RARB: variants seen among roughly 807,000 people sequenced by gnomAD.
RARB encodes retinoic acid receptor beta, also known as HBV-activated protein.
A neutral mutation model predicts 51.9 loss-of-function variants in RARB; 17 were observed. That is an observed-to-expected ratio of 0.33 (90% CI 0.22 to 0.49). The LOEUF is 0.49. Among genes scored for constraint, RARB ranks in the 20% least tolerant of loss-of-function variants. RARB has a pLI of 0.99. For synonymous variants in RARB, 215 were observed against 195.4 expected (o/e 1.10, Z -0.84); for missense variants, 369 against 550.8 (o/e 0.67, Z 3.30).
chr3:25,593,284 T>C (rs1289732405), intron 5 of RARB, among the ~76,000 whole-genome samples: 1 of 152,176 alleles, frequency 6.6e-6, no homozygotes, highest in Non-Finnish European at 1.5e-5. Flanking sequence ...TCAAAATTTC[T>C]TATGTCCTGT....
chr3:25,131,601 T>C (rs971162606), intron 3 of RARB, among the ~76,000 whole-genome samples: 3 of 152,006 alleles, frequency 2.0e-5, no homozygotes, highest in Admixed American at 1.3e-4. Context: ...GAAAAACATA[T>C]ATACATATAT....
intron 5 of RARB, among the ~76,000 whole-genome samples, chr3:25,323,750 A>G (rs1474693372): frequency 6.6e-6 from 1 of 152,220 alleles, no homozygotes; most frequent in African/African-American, 2.4e-5. Flanking sequence ...AGCTGGAGAA[A>G]AAACATAAAC....
intron 5 of RARB, among the ~76,000 whole-genome samples, chr3:25,243,316 A>G (rs983490973): frequency 6.6e-6 from 1 of 152,126 alleles, no homozygotes; most frequent in Non-Finnish European, 1.5e-5. Flanking sequence ...CTCTTGCCTG[A>G]TTGCCCTGAC....
intron 4 of RARB, among the ~76,000 whole-genome samples, chr3:25,161,169 T>A (rs6550954): frequency 0.024 from 3,420 of 142,698 alleles, 119 homozygotes; most frequent in African/African-American, 0.084. Flanking sequence ...CCCACCACCA[T>A]GCCCAGCTAA....
At chr3:25,502,024 T>C (rs1266170541) in intron 3 of RARB, among the ~76,000 whole-genome samples, 1 of 152,142 alleles carries the variant, frequency 6.6e-6, no homozygotes, top group Non-Finnish European at 1.5e-5. Context: ...ATGTAGGGAA[T>C]AAGAAAGTAT....
At position 25,562,103 on chromosome 3, in the gene RARB, A is replaced by G. The variant is rs562508821; in HGVS notation, c.449-7655A>G. ...CCTTAGACTGTCAGCCTTTTTTCAAAAAAGTTAAAAGACCCACTCACAGTG... is the reference window on the plus strand; with the variant it reads ...CCTTAGACTGTCAGCCTTTTTTCAAGAAAGTTAAAAGACCCACTCACAGTG... On this transcript the variant is annotated intron_variant, in intron 3 of 7. Transcript: ENST00000330688. Among the ~76,000 whole-genome samples the G allele has an allele frequency of 2.0e-5, 3 of 152,296 alleles. No individual in the cohort carries two copies. The East Asian group carries it at 5.8e-4, about 29-fold the overall frequency.
At chr3:25,123,796 G>C (rs1288434256) in intron 3 of RARB, among the ~76,000 whole-genome samples, 1 of 152,162 alleles carries the variant, frequency 6.6e-6, no homozygotes, top group African/African-American at 2.4e-5. Context: ...ACGTTATCTA[G>C]AATTGCTTTT....
Position 24,937,738 on chromosome 3 carries a change from C to T in RARB, c.-380+78986C>T, listed in dbSNP as rs181172956. On this transcript the variant is annotated intron_variant, in intron 2 of 11. Transcript: ENST00000383772. ...GCATCCTTATGCAGCAGAGGACACA[C>T]GCTGGCAGGTGGGTGGAGCGAGTTG... is the stretch of plus-strand genomic sequence containing the variant. Among the ~76,000 whole-genome samples, 20 of 152,234 alleles carry T rather than the reference C, an allele frequency of 1.3e-4. No individual in the cohort carries two copies. In the South Asian group the frequency reaches 1.9e-3, roughly 14 times the overall value.
intron 1 of RARB, among the ~76,000 whole-genome samples, chr3:24,833,480 T>A (rs1427508142): frequency 2.6e-5 from 4 of 152,218 alleles, no homozygotes; most frequent in Non-Finnish European, 4.4e-5. Context: ...CATACAACAA[T>A]TCAATTTATG....
At chr3:25,439,248 C>A (rs569589174) in intron 1 of RARB, among the ~76,000 whole-genome samples, 1 of 152,150 alleles carries the variant, frequency 6.6e-6, no homozygotes, top group Non-Finnish European at 1.5e-5. Flanking sequence ...ATAGTAAAGT[C>A]GAATTAATGT....
intron 4 of RARB, among the ~76,000 whole-genome samples, chr3:25,153,673 G>C (rs17517778): frequency 0.08 from 12,164 of 152,214 alleles, 644 homozygotes; most frequent in Non-Finnish European, 0.12. Context: ...CAACAGTCAG[G>C]CCTAATATAC....
intron 3 of RARB, among the ~76,000 whole-genome samples, chr3:25,534,034 C>T (rs1216973904): frequency 2.6e-5 from 4 of 152,190 alleles, no homozygotes; most frequent in Non-Finnish European, 4.4e-5. Context: ...AATGCTTTTA[C>T]TATGTGCCAG....
chr3:25,365,648 G>C (rs1445704730), intron 5 of RARB, among the ~76,000 whole-genome samples: 1 of 152,172 alleles, frequency 6.6e-6, no homozygotes, highest in Admixed American at 6.5e-5. Context: ...TTGAAGGCCA[G>C]ATATTGAAAT....
At chr3:25,555,907 T>C (rs556912501) in intron 3 of RARB, among the ~76,000 whole-genome samples, 1 of 152,208 alleles carries the variant, frequency 6.6e-6, no homozygotes, top group East Asian at 1.9e-4. Context: ...ATTCTGGGCA[T>C]GGGTGTGGGT....
At chr3:25,545,063 G>A (rs1312400328) in intron 3 of RARB, among the ~76,000 whole-genome samples, 1 of 152,146 alleles carries the variant, frequency 6.6e-6, no homozygotes, top group Non-Finnish European at 1.5e-5. Flanking sequence ...CCAGGTTCAG[G>A]TGATCCGCCT....
intron 2 of RARB, among the ~76,000 whole-genome samples, chr3:24,911,482 T>C (rs1016648444): frequency 6.6e-6 from 1 of 152,234 alleles, no homozygotes; most frequent in Non-Finnish European, 1.5e-5. Flanking sequence ...GGAGGAGGAA[T>C]GGTCCCATGG....
intron 3 of RARB, among the ~76,000 whole-genome samples, chr3:25,101,248 T>C (rs894592361): frequency 6.6e-6 from 1 of 152,118 alleles, no homozygotes; most frequent in Non-Finnish European, 1.5e-5. Context: ...ACCTATACTA[T>C]ACCTGAGCCT....
intron 5 of RARB, among the ~76,000 whole-genome samples, chr3:25,335,999 T>C (rs539180940): frequency 3.2e-4 from 49 of 152,188 alleles, no homozygotes; most frequent in South Asian, 1.2e-3. Flanking sequence ...TAACAAGTGT[T>C]AGAGTTCTTT....
At chr3:25,420,376 A>C (rs1403478290) in intron 5 of RARB, among the ~76,000 whole-genome samples, 5 of 152,214 alleles carry the variant, frequency 3.3e-5, no homozygotes, top group Non-Finnish European at 5.9e-5. Context: ...TCAGAGTCAG[A>C]AACTTTTGTG....
Sources: allele counts gnomAD v4.1 joint callset (sites outside exome capture counted in the v4.1 genomes callset), GRCh38; gene constraint gnomAD v4.1.1; transcripts MANE v1.5; gene names NCBI Gene and HGNC (gene_info 2026-07-23, HGNC 2026-07-21).